The following PLCB1 variants were observed in gnomAD, a reference collection of about 807,000 sequenced individuals.
PLCB1 encodes phospholipase C beta 1.
Under a neutral mutation model 161.8 loss-of-function variants are expected in PLCB1, and 46 were observed. The observed-to-expected ratio is 0.28, with a 90% CI of 0.22 to 0.36. The LOEUF (loss-of-function observed/expected upper bound fraction) is 0.36. Among genes scored for constraint, PLCB1 ranks in the 10% least tolerant of loss-of-function variants. The pLI is 1.00. For missense variants in PLCB1, 1,016 were observed against 1,472.5 expected (o/e 0.69, Z 5.07); for synonymous variants, 517 against 503.7 (o/e 1.03, Z -0.35).
intron 3 of PLCB1, among the ~76,000 whole-genome samples, chr20:8,551,430 C>G (rs1985771814): frequency 6.6e-6 from 1 of 152,154 alleles, no homozygotes; most frequent in Admixed American, 6.5e-5. Flanking sequence ...CTCAGCTTTC[C>G]TTTTTCATGG....
intron 3 of PLCB1, among the ~76,000 whole-genome samples, chr20:8,533,559 A>T (rs993903423): frequency 6.6e-6 from 1 of 151,874 alleles, no homozygotes; most frequent in Non-Finnish European, 1.5e-5. Flanking sequence ...TGCCATTCTA[A>T]CTGGTGTGAG....
intron 9 of PLCB1, among the ~76,000 whole-genome samples, chr20:8,670,522 C>G (rs1989916551): frequency 6.6e-6 from 1 of 152,176 alleles, no homozygotes; most frequent in Admixed American, 6.5e-5. Flanking sequence ...TATCTTGGAG[C>G]TGTATTTGCA....
chr20:8,556,812 G>A (rs1469848692), intron 3 of PLCB1, among the ~76,000 whole-genome samples: 7 of 150,840 alleles, frequency 4.6e-5, no homozygotes, highest in East Asian at 2.0e-4. Context: ...AAAATAGTCC[G>A]GAAAAATGAG....
At chr20:8,376,570 G>C (rs1987088569) in intron 3 of PLCB1, among the ~76,000 whole-genome samples, 1 of 152,172 alleles carries the variant, frequency 6.6e-6, no homozygotes, top group Admixed American at 6.5e-5. Context: ...AAACAGCTAT[G>C]CTGTCATATA....
intron 2 of PLCB1, among the ~76,000 whole-genome samples, chr20:8,219,234 T>G (rs1336566633): frequency 6.6e-6 from 1 of 152,216 alleles, no homozygotes; most frequent in East Asian, 1.9e-4. Flanking sequence ...TAGAATAACT[T>G]GCTTTCCTTT....
rs117903400 is a variant in PLCB1 at position 8,682,805 on chromosome 20, T to C, written c.863-2127T>C. On this transcript the variant is annotated intron_variant, in intron 9 of 31. Transcript: ENST00000338037. ...TGGTGAAAGTCAATTGCTAGGACTT[T>C]AACAGAAAGAAAATTGGTTATGTGT... is the stretch of plus-strand genomic sequence containing the variant. Among the ~76,000 whole-genome samples the C allele has an allele frequency of 2.0e-5, 3 of 152,292 alleles. No homozygotes were observed. The East Asian group carries it at 5.8e-4, about 29-fold the overall frequency.
chr20:8,530,833 G>GT (rs1984785383), intron 3 of PLCB1, among the ~76,000 whole-genome samples: 2 of 152,018 alleles, frequency 1.3e-5, no homozygotes, highest in Admixed American at 1.3e-4. Flanking sequence ...AGTTCAGGCT[G>GT]TTTTTTTCCC....
intron 12 of PLCB1, chr20:8,715,731 T>G (rs1979270559): frequency 6.5e-6 from 1 of 154,088 alleles, no homozygotes; most frequent in African/African-American, 2.4e-5. Flanking sequence ...TGCCCTTTTC[T>G]ACATTTTGAG....
intron 31 of PLCB1, among the ~76,000 whole-genome samples, chr20:8,848,926 G>A (rs1195703882): frequency 6.6e-6 from 1 of 152,224 alleles, no homozygotes; most frequent in African/African-American, 2.4e-5. Flanking sequence ...GTCAGAGCTT[G>A]GGAGCCACAC....
chr20:8,308,480 G>A (rs1435975819), intron 2 of PLCB1, among the ~76,000 whole-genome samples: 14 of 151,472 alleles, frequency 9.2e-5, no homozygotes, highest in Non-Finnish European at 2.1e-4. Context: ...AGCTGGGCAC[G>A]GTGGCAGGTG....
chr20:8,330,778 G>C (rs1444327956), intron 2 of PLCB1, among the ~76,000 whole-genome samples: 1 of 152,138 alleles, frequency 6.6e-6, no homozygotes, highest in Non-Finnish European at 1.5e-5. Context: ...GTTGCTAGTT[G>C]AGTTGAAGGA....
Position 8,430,302 on chromosome 20 carries a change from G to T in PLCB1, c.246+58852G>T, listed in dbSNP as rs900030250. Among the ~76,000 whole-genome samples the T allele has an allele frequency of 4.6e-5, 7 of 152,022 alleles. No homozygotes were observed. The East Asian group carries it at 1.3e-3, about 29-fold the overall frequency. ...ACGAAGACCTAGGGGACAGGGAGAG[G>T]CCTCAGGTAATGCAAAATCTGTACA... On this transcript the variant is annotated intron_variant, in intron 3 of 31. Coordinates refer to ENST00000338037, the MANE Select transcript of PLCB1 (RefSeq NM_015192.4).
At chr20:8,254,150 A>T (rs1207062705) in intron 2 of PLCB1, among the ~76,000 whole-genome samples, 2 of 151,994 alleles carry the variant, frequency 1.3e-5, no homozygotes, top group African/African-American at 4.8e-5. Flanking sequence ...TTCCCTGCTA[A>T]ATCTTCACGT....
intron 2 of PLCB1, among the ~76,000 whole-genome samples, chr20:8,229,876 A>AATAAT (rs57308166): frequency 6.7e-6 from 1 of 149,622 alleles, no homozygotes. Context: ...AATAAAATAA[A>AATAAT]ATAAAATAAA....
At chr20:8,572,168 A>G (rs1986543148) in intron 3 of PLCB1, among the ~76,000 whole-genome samples, 2 of 152,210 alleles carry the variant, frequency 1.3e-5, no homozygotes, top group African/African-American at 2.4e-5. Context: ...CACATTTCAT[A>G]GATAGTACAT....
At chr20:8,614,754 T>C (rs1386793763) in intron 3 of PLCB1, among the ~76,000 whole-genome samples, 2 of 152,066 alleles carry the variant, frequency 1.3e-5, no homozygotes, top group East Asian at 1.9e-4. Flanking sequence ...TTTCAAGTAT[T>C]CAATAGCCAT....
intron 26 of PLCB1, among the ~76,000 whole-genome samples, chr20:8,768,481 A>G (rs116815492): frequency 0.013 from 1,930 of 152,230 alleles, 43 homozygotes; most frequent in African/African-American, 0.043. Flanking sequence ...CCTCTTTCCA[A>G]ATTAGATCAC....
chr20:8,349,210 G>C (rs6055766), intron 2 of PLCB1, among the ~76,000 whole-genome samples: 1,860 of 152,250 alleles, frequency 0.012, 45 homozygotes, highest in African/African-American at 0.042. Context: ...GGGAGTTTGG[G>C]CAGAGAACCT....
At chr20:8,832,541 G>T (rs1383018537) in intron 31 of PLCB1, among the ~76,000 whole-genome samples, 1 of 152,182 alleles carries the variant, frequency 6.6e-6, no homozygotes, top group Admixed American at 6.5e-5. Context: ...CTTAAGAGAT[G>T]ACCTTGATAA....
Sources: allele counts gnomAD v4.1 joint callset (sites outside exome capture counted in the v4.1 genomes callset), GRCh38; gene constraint gnomAD v4.1.1; transcripts MANE v1.5; gene names NCBI Gene and HGNC (gene_info 2026-07-23, HGNC 2026-07-21).